Variants in GSE1 observed in about 807,000 individuals in gnomAD.
The protein encoded by GSE1 is genetic suppressor element 1.
Under a neutral mutation model 112.6 loss-of-function variants are expected in GSE1, and 32 were observed. That is an observed-to-expected ratio of 0.28 (90% CI 0.21 to 0.38). The LOEUF (loss-of-function observed/expected upper bound fraction) is 0.38. Among genes scored for constraint, GSE1 ranks in the 10% least tolerant of loss-of-function variants. The pLI is 1.00. For missense variants in GSE1, 2,348 were observed against 1,699.2 expected, an observed-to-expected ratio of 1.38 and a Z score of -6.71; for synonymous variants, 1,115 against 735.6, an observed-to-expected ratio of 1.52 and a Z score of -8.35.
rs565654241 is a variant in GSE1, at chr16:85,465,937, T to TCGTGG, written c.2464+108294_2464+108295insCGTGG. Among the ~76,000 whole-genome samples the TCGTGG allele has an allele frequency of 4.6e-4, 70 of 152,354 alleles. 3 individuals carry two copies. In the South Asian group the frequency reaches 0.014, roughly 31 times the overall value. ...TCAGTGAGCACTTTGTTCTAATGAT[T>TCGTGG]AGTGGAGTCACATCCGAAGTCAGTC... On this transcript the variant is annotated intron_variant, in intron 2 of 2. Transcript: ENST00000637419.
chr16:85,323,668 C>G (rs1044953398), intron 1 of GSE1, among the ~76,000 whole-genome samples: 7 of 152,172 alleles, frequency 4.6e-5, no homozygotes, highest in Admixed American at 4.6e-4. Context: ...TGATTCTGGC[C>G]AGGCTGAGCA....
At chr16:85,377,889 C>T (rs2151613377) in intron 2 of GSE1, among the ~76,000 whole-genome samples, 1 of 152,370 alleles carries the variant, frequency 6.6e-6, no homozygotes, top group South Asian at 2.1e-4. Context: ...GCATCCACCT[C>T]CTGGTACAGG....
chr16:85,651,161 G>A (rs1254664388), intron 3 of GSE1, among the ~76,000 whole-genome samples: 2 of 150,880 alleles, frequency 1.3e-5, no homozygotes, highest in African/African-American at 2.4e-5. Context: ...GCCCACAGAT[G>A]CGCCCTGATG....
intron 1 of GSE1, among the ~76,000 whole-genome samples, chr16:85,196,924 C>T (rs531307597): frequency 3.9e-5 from 6 of 152,116 alleles, no homozygotes; most frequent in Non-Finnish European, 8.8e-5. Context: ...GTGTCCAGGA[C>T]ACTTGGAGAA....
chr16:85,626,799 G>A (rs970002117), intron 1 of GSE1, among the ~76,000 whole-genome samples: 1 of 152,102 alleles, frequency 6.6e-6, no homozygotes, highest in Non-Finnish European at 1.5e-5. Context: ...CGGCTGGCAC[G>A]CTGATTAATA....
chr16:85,352,442 A>C (rs2151562449), intron 1 of GSE1, among the ~76,000 whole-genome samples: 1 of 152,212 alleles, frequency 6.6e-6, no homozygotes, highest in Admixed American at 6.5e-5. Context: ...AGCCCCTTGA[A>C]CTGCTCTGAG....
chr16:85,253,720 G>A (rs1363115555), intron 1 of GSE1, among the ~76,000 whole-genome samples: 2 of 152,220 alleles, frequency 1.3e-5, no homozygotes, highest in Non-Finnish European at 2.9e-5. Context: ...GAGAAGGAGG[G>A]TGGCAAGAGT....
At chr16:85,303,428 C>T (rs527912646) in intron 1 of GSE1, among the ~76,000 whole-genome samples, 10 of 152,322 alleles carry the variant, frequency 6.6e-5, no homozygotes, top group African/African-American at 2.4e-4. Flanking sequence ...GCCGCGCATC[C>T]CCTCCTCCTG....
chr16:85,304,290 A>G (rs1330558950), intron 1 of GSE1, among the ~76,000 whole-genome samples: 1 of 152,194 alleles, frequency 6.6e-6, no homozygotes, highest in Non-Finnish European at 1.5e-5. Flanking sequence ...GACCCCTGGC[A>G]TGGTGTCTTT....
rs141392928 is a variant in GSE1, at chr16:85,672,503, C to A, written c.3618C>A (p.His1206Gln). Residue 1206 changes from histidine (H) to glutamine (Q), a missense_variant, in exon 16 of 16, where the codon CAC (histidine) becomes CAA (glutamine). Physicochemically the swap from His to Gln is conservative, Grantham distance 24. Coordinates refer to ENST00000253458, the MANE Select transcript of GSE1 (RefSeq NM_014615.5). The stretch of plus-strand genomic sequence containing the variant: ...AGTGCCTTGCCTTGCCTGCAATGCA[C>A]TGGCCTAGGGGCTACCTGAAGGGAT... The part of the protein sequence containing the change: ...LRKCLALPAM[H>Q]WPRGYLKGYP... 261 of 1,613,036 alleles carry A rather than the reference C, an allele frequency of 1.6e-4. No individual in the cohort carries two copies. In the African/African-American group the frequency reaches 2.9e-3, roughly 18 times the overall value.
At chr16:85,251,337 TG>T (rs1448604165) in intron 1 of GSE1, among the ~76,000 whole-genome samples, 1 of 152,248 alleles carries the variant, frequency 6.6e-6, no homozygotes, top group Non-Finnish European at 1.5e-5. Context: ...TCCACCACCG[TG>T]TCCCAGCACC....
At position 85,419,918 on chromosome 16, in the gene GSE1, T is replaced by G. The variant is rs78399638; in HGVS notation, c.2464+62275T>G. Among the ~76,000 whole-genome samples the G allele has an allele frequency of 6.6e-6, 1 of 152,086 alleles. No individual in the cohort carries two copies. Among genetic ancestry groups the G allele is most frequent in the African/African-American group, 2.4e-5 (1 of 41,372 alleles). On this transcript the variant is annotated intron_variant, in intron 2 of 2. Coordinates refer to the GSE1 transcript ENST00000637419. The surrounding 1 kb of genome is among the most constrained non-coding windows in gnomAD (Gnocchi z 6.5). ...CGGGGGGACTGGGCTGGAACAGAAC[T>G]GAGGGACAGCAGGGGCAAAGTCTGA... is the stretch of plus-strand genomic sequence containing the variant.
intron 1 of GSE1, among the ~76,000 whole-genome samples, chr16:85,287,792 T>C (rs1452188346): frequency 6.6e-6 from 1 of 152,116 alleles, no homozygotes; most frequent in Non-Finnish European, 1.5e-5. Context: ...ACCTCTTGTC[T>C]CCTGCCCTCA....
At chr16:85,312,260 GGCT>G (rs1314265611) in intron 1 of GSE1, among the ~76,000 whole-genome samples, 2 of 144,956 alleles carry the variant, frequency 1.4e-5, no homozygotes, top group Non-Finnish European at 3.0e-5. Flanking sequence ...AGTGCCCTTA[GGCT>G]GATGTGACAG....
intron 2 of GSE1, among the ~76,000 whole-genome samples, chr16:85,539,413 C>G (rs1428904906): frequency 1.3e-5 from 2 of 152,308 alleles, no homozygotes; most frequent in East Asian, 3.9e-4. Context: ...AGTGCTTTAG[C>G]AGGGACAAAA....
intron 1 of GSE1, among the ~76,000 whole-genome samples, chr16:85,590,401 T>G (rs927263361): frequency 1.4e-5 from 2 of 146,510 alleles, no homozygotes; most frequent in Admixed American, 1.4e-4. Context: ...ATGTGTGACA[T>G]TGTGTGTGTG....
At chr16:85,651,385 C>G (rs1272191307) in intron 3 of GSE1, among the ~76,000 whole-genome samples, 4 of 152,058 alleles carry the variant, frequency 2.6e-5, no homozygotes, top group Non-Finnish European at 5.9e-5. Context: ...CGCCGGGCCC[C>G]TGCCCCGCCT....
intron 2 of GSE1, chr16:85,359,559 C>T: frequency 2.7e-6 from 1 of 365,580 alleles, no homozygotes; most frequent in Non-Finnish European, 5.6e-6. Context: ...TTCGTGGCAA[C>T]CTCGTGAGCT....
In GSE1 at chr16:85,269,619, G is replaced by A. The variant is rs1046702726; in HGVS notation, c.2284-87844G>A. Among the ~76,000 whole-genome samples, 14 of 149,440 alleles carry A rather than the reference G, an allele frequency of 9.4e-5. 1 individual carries two copies. In the South Asian group the frequency reaches 1.1e-3, roughly 11 times the overall value. On this transcript the variant is annotated intron_variant, in intron 1 of 2. Transcript: ENST00000637419. ...TCCCCGGTGCTGCCTCCCGTGCTCT[G>A]CATGCCCGGCCCCTCCCCTGGCCCC...
Sources: gnomAD v4.1 joint callset for allele counts (sites outside exome capture counted in the v4.1 genomes callset) on GRCh38, gnomAD v4.1.1 for gene constraint, Gnocchi (gnomAD v3.1) non-coding constraint, MANE v1.5 for transcripts, NCBI Gene and HGNC (gene_info 2026-07-23, HGNC 2026-07-21) for gene names.